The following FLT1 variants were observed in gnomAD, a reference collection of about 807,000 sequenced individuals.
FLT1 encodes the protein vascular endothelial growth factor receptor 1.
In FLT1, 49 loss-of-function variants were observed where a neutral mutation model predicts 156.3. The ratio of observed to expected loss-of-function variants is 0.31; its 90% CI spans 0.25 to 0.40. The LOEUF is 0.40. Ranked by LOEUF, FLT1 falls within the 10% of genes least tolerant of loss-of-function variation. FLT1 has a pLI of 1.00. For missense variants in FLT1, 1,322 were observed against 1,637.2 expected (o/e 0.81, Z 3.32); for synonymous variants, 594 against 583.8 (o/e 1.02, Z -0.25).
At chr13:28,325,464 A>C (rs1014603610) in intron 20 of FLT1, among the ~76,000 whole-genome samples, 1 of 152,172 alleles carries the variant, frequency 6.6e-6, no homozygotes, top group Non-Finnish European at 1.5e-5. Flanking sequence ...CTCTGAACGC[A>C]TCTGCAGCCT....
At chr13:28,396,147 T>C (rs997177198) in intron 12 of FLT1, among the ~76,000 whole-genome samples, 3 of 152,230 alleles carry the variant, frequency 2.0e-5, no homozygotes, top group Admixed American at 1.3e-4. Context: ...TTGGCTAACT[T>C]GCCAGAGGCC....
intron 14 of FLT1, among the ~76,000 whole-genome samples, chr13:28,363,314 C>T (rs927699590): frequency 1.3e-5 from 2 of 152,228 alleles, no homozygotes; most frequent in Admixed American, 6.5e-5. Context: ...CAGAGGTCAA[C>T]ATCTTGCCAT....
At chr13:28,314,548 C>T (rs1474166237) in intron 25 of FLT1, among the ~76,000 whole-genome samples, 1 of 152,194 alleles carries the variant, frequency 6.6e-6, no homozygotes, top group East Asian at 1.9e-4. Flanking sequence ...CATTAGCTTG[C>T]ATCCAAGCTG....
Position 28,339,273 on chromosome 13 carries a change from G to A in FLT1, c.2383C>T (p.Leu795=), listed in dbSNP as rs766874252. The A allele has an allele frequency of 8.7e-6, 14 of 1,613,096 alleles. No homozygotes were observed. Among genetic ancestry groups the A allele is most frequent in the Non-Finnish European group, 1.1e-5 (13 of 1,179,290 alleles). ...RSSSEIKTDY[L]SIIMDPDEVP... is the part of the protein sequence containing the mutation. ...TCATCTGGGTCCATTATAATTGATAGGTAGTCAGTCTTTATTTCAGAAGAA... is the reference window on the plus strand; with the variant it reads ...TCATCTGGGTCCATTATAATTGATAAGTAGTCAGTCTTTATTTCAGAAGAA... The change falls in exon 17 of 30, where the codon CTA becomes TTA. Residue 795 remains leucine, a synonymous_variant. Transcript: ENST00000282397.
intron 3 of FLT1, among the ~76,000 whole-genome samples, chr13:28,455,546 A>G (rs1566037267): frequency 6.6e-6 from 1 of 152,230 alleles, no homozygotes; most frequent in Non-Finnish European, 1.5e-5. Flanking sequence ...CTCCTAGAAT[A>G]TAACAGGAGA....
chr13:28,411,175 A>C (rs1200547846), intron 10 of FLT1, among the ~76,000 whole-genome samples: 2 of 152,072 alleles, frequency 1.3e-5, no homozygotes, highest in Non-Finnish European at 2.9e-5. Flanking sequence ...CATAAATTCT[A>C]GTTCGTTTTG....
At chr13:28,315,423 G>A (rs555052431) in intron 25 of FLT1, among the ~76,000 whole-genome samples, 1 of 152,264 alleles carries the variant, frequency 6.6e-6, no homozygotes, top group African/African-American at 2.4e-5. Context: ...AGGCGTGGTG[G>A]CACATGCCTG....
At chr13:28,343,305 CTT>C (rs1182605676) in intron 16 of FLT1, among the ~76,000 whole-genome samples, 3 of 144,598 alleles carry the variant, frequency 2.1e-5, no homozygotes, top group Non-Finnish European at 3.1e-5. Context: ...TCTTTCTTTT[CTT>C]TTTTTTTTTT....
intron 3 of FLT1, among the ~76,000 whole-genome samples, chr13:28,456,449 G>A (rs1284718139): frequency 9.9e-5 from 15 of 152,118 alleles, no homozygotes; most frequent in Non-Finnish European, 2.2e-4. Context: ...CATACTGTAT[G>A]ATTCCAACTA....
At chr13:28,321,417 A>G (rs780620688) in intron 23 of FLT1, 46 bp downstream of exon 23, 9 of 1,606,616 alleles carry the variant, frequency 5.6e-6, no homozygotes, top group Non-Finnish European at 7.7e-6. Context: ...TGTGGTTTAA[A>G]AGTGATAGGA....
chr13:28,382,000 GAT>G (rs1249482464), intron 14 of FLT1, among the ~76,000 whole-genome samples: 1 of 152,126 alleles, frequency 6.6e-6, no homozygotes, highest in African/African-American at 2.4e-5. Context: ...AGACAAATAA[GAT>G]AAACTATCTA....
chr13:28,486,186 A>C (rs1199568910), intron 1 of FLT1, among the ~76,000 whole-genome samples: 1 of 152,228 alleles, frequency 6.6e-6, no homozygotes, highest in Non-Finnish European at 1.5e-5. Context: ...TGTACGGGTT[A>C]CCCTGGATGC....
At chr13:28,417,415 G>A (rs373526955) in intron 10 of FLT1, among the ~76,000 whole-genome samples, 11 of 151,870 alleles carry the variant, frequency 7.2e-5, no homozygotes, top group South Asian at 6.2e-4. Flanking sequence ...TCCTTGGTGC[G>A]GCCTCTAAAC....
chr13:28,390,159 GA>G (rs1874623006), intron 12 of FLT1, 55 bp from the exon 13 acceptor site: 1 of 1,588,356 alleles, frequency 6.3e-7, no homozygotes, highest in African/African-American at 1.3e-5. Flanking sequence ...GTCTTTTAAT[GA>G]GATATTCAAA....
Position 28,384,898 on chromosome 13 carries a change from T to G in FLT1, c.2103A>C (p.Ile701=). Residue 701 remains isoleucine (I), a synonymous_variant, in exon 14 of 30, where the codon ATA becomes ATC. Coordinates refer to ENST00000282397, the MANE Select transcript of FLT1 (RefSeq NM_002019.4). ...AAAGTCTCTTACCAGGCTCTTGTTG[T>G]ATTTTGTGGTTGTTTTTAAACCAAG... ...QITWFKNNHK[I]QQEPGIILGP... is the part of the protein sequence containing the mutation. The G allele has an allele frequency of 1.2e-6, 2 of 1,613,986 alleles. No homozygotes were observed. The highest frequency in any genetic ancestry group is 1.7e-6 in the Non-Finnish European group (2 of 1,179,902).
chr13:28,312,970 TTTTATTTTTA>T (rs934117074), intron 25 of FLT1, among the ~76,000 whole-genome samples: 4 of 148,042 alleles, frequency 2.7e-5, no homozygotes, highest in African/African-American at 9.8e-5. Flanking sequence ...TTATTTTTAT[TTTTATTTTTA>T]TTTTTATTTT....
At chr13:28,436,309 A>G (rs1878018689) in intron 4 of FLT1, among the ~76,000 whole-genome samples, 1 of 152,166 alleles carries the variant, frequency 6.6e-6, no homozygotes, top group South Asian at 2.1e-4. Flanking sequence ...TGAAAAGGAG[A>G]GGGAGGGGAC....
At chr13:28,389,004 G>A in intron 13 of FLT1, 2 of 1,065,152 alleles carry the variant, frequency 1.9e-6, no homozygotes, top group South Asian at 9.1e-5. Context: ...TGGATCGCAT[G>A]AGAGGAGGGA....
intron 14 of FLT1, chr13:28,368,164 G>A: frequency 5.6e-6 from 3 of 535,028 alleles, no homozygotes; most frequent in Non-Finnish European, 7.3e-6. Context: ...TTATTTATTT[G>A]TTTTTTGAGA....
Sources: allele counts gnomAD v4.1 joint callset (sites outside exome capture counted in the v4.1 genomes callset), GRCh38; gene constraint gnomAD v4.1.1; transcripts MANE v1.5; gene names NCBI Gene and HGNC (gene_info 2026-07-23, HGNC 2026-07-21).